ADARB2: variants seen among roughly 807,000 people sequenced by gnomAD.
ADARB2 encodes the protein inactive double-stranded RNA-specific editase B2.
Under a neutral mutation model 62.2 loss-of-function variants are expected in ADARB2, and 25 were observed. The observed-to-expected ratio is 0.40, with a 90% CI of 0.29 to 0.56. The LOEUF (loss-of-function observed/expected upper bound fraction) is 0.56. Ranked by LOEUF, ADARB2 falls within the 20% of genes least tolerant of loss-of-function variation. The pLI is 0.43. For synonymous variants in ADARB2, 572 were observed against 500.8 expected (o/e 1.14, Z -1.90); for missense variants, 1,071 against 1,077.4 (o/e 0.99, Z 0.08).
chr10:1,609,675 G>T (rs919777651), intron 1 of ADARB2, among the ~76,000 whole-genome samples: 1 of 152,216 alleles, frequency 6.6e-6, no homozygotes, highest in Non-Finnish European at 1.5e-5. Flanking sequence ...CTAGGAAGAC[G>T]CTTCCCTTGG....
chr10:1,412,235 G>C (rs1190153124), intron 1 of ADARB2, among the ~76,000 whole-genome samples: 1 of 152,188 alleles, frequency 6.6e-6, no homozygotes, highest in Non-Finnish European at 1.5e-5. Context: ...GCTGGTTAGA[G>C]GATGGCTCAG....
rs530881648 is a variant in ADARB2 at position 1,401,801 on chromosome 10, T to C, written c.101-22641A>G. Among the ~76,000 whole-genome samples, 10 of 152,248 alleles carry C rather than the reference T, an allele frequency of 6.6e-5. No individual in the cohort carries two copies. In the East Asian group the frequency reaches 1.9e-3, roughly 29 times the overall value. ...AGTTTCTTGCTTGTCTTTAGAAAAC[T>C]GCAGCGAGGCCTGGGGAGCGGTTCC... On this transcript the variant is annotated intron_variant, in intron 1 of 9. Coordinates refer to ENST00000381312, the MANE Select transcript of ADARB2 (RefSeq NM_018702.4).
intron 1 of ADARB2, among the ~76,000 whole-genome samples, chr10:1,498,867 A>G (rs1831725188): frequency 6.6e-6 from 1 of 151,698 alleles, no homozygotes; most frequent in South Asian, 2.1e-4. Context: ...CTCATCATTT[A>G]TCATTCAGTC....
At chr10:1,636,173 C>A (rs1362680906) in intron 1 of ADARB2, among the ~76,000 whole-genome samples, 3 of 152,066 alleles carry the variant, frequency 2.0e-5, no homozygotes, top group Non-Finnish European at 4.4e-5. Context: ...AGACATAAAG[C>A]AAGGCTGGGA....
chr10:1,213,100 T>C (rs1238327125), intron 7 of ADARB2, among the ~76,000 whole-genome samples: 1 of 151,316 alleles, frequency 6.6e-6, no homozygotes, highest in Non-Finnish European at 1.5e-5. Context: ...GATGAAGAGA[T>C]GAGATACACA....
chr10:1,274,856 C>A (rs1194615060), intron 3 of ADARB2, among the ~76,000 whole-genome samples: 1 of 152,240 alleles, frequency 6.6e-6, no homozygotes, highest in African/African-American at 2.4e-5. Context: ...CCAGATTGCT[C>A]TGAGGAAAAG....
chr10:1,325,742 T>G (rs1484017079), intron 3 of ADARB2, among the ~76,000 whole-genome samples: 1 of 152,102 alleles, frequency 6.6e-6, no homozygotes, highest in Non-Finnish European at 1.5e-5. Context: ...AGCTTCCTTC[T>G]CAGTCCTGGG....
intron 1 of ADARB2, among the ~76,000 whole-genome samples, chr10:1,600,593 C>T (rs991280386): frequency 1.6e-5 from 2 of 128,876 alleles, no homozygotes; most frequent in South Asian, 2.6e-4. Flanking sequence ...ACTCAGGAGG[C>T]GGAGGCTGCA....
intron 1 of ADARB2, among the ~76,000 whole-genome samples, chr10:1,694,631 T>G (rs150163181): frequency 9.8e-4 from 150 of 152,302 alleles, no homozygotes; most frequent in African/African-American, 3.5e-3. Context: ...CTAGAATAAT[T>G]AACAATCAAC....
intron 1 of ADARB2, among the ~76,000 whole-genome samples, chr10:1,392,144 G>A (rs2131866608): frequency 6.6e-6 from 1 of 152,202 alleles, no homozygotes; most frequent in South Asian, 2.1e-4. Context: ...CATAAATCGA[G>A]CACTTTGAGT....
In ADARB2 at chr10:1,283,683, T is replaced by G. The variant is rs186702276; in HGVS notation, c.1078-12614A>C. 1.8e-3 allele frequency among the ~76,000 whole-genome samples: 271 copies of G among 152,176 alleles called. 1 individual carries two copies. Among genetic ancestry groups the G allele is most frequent in the African/African-American group, 5.9e-3 (243 of 41,510 alleles). ...CAGCCTATAACACATGCCTGAGCAG[T>G]GGAGTGTTGTCCATCATGAGAATAA... is the stretch of plus-strand genomic sequence containing the variant. On this transcript the variant is annotated intron_variant, in intron 3 of 9. Transcript: ENST00000381312.
intron 7 of ADARB2, among the ~76,000 whole-genome samples, chr10:1,212,322 C>A (rs1837165352): frequency 6.6e-6 from 1 of 152,224 alleles, no homozygotes; most frequent in African/African-American, 2.4e-5. Context: ...ATTAGCATAA[C>A]ATATGCTGCT....
intron 3 of ADARB2, among the ~76,000 whole-genome samples, chr10:1,356,760 A>G (rs1832199836): frequency 1.3e-5 from 2 of 152,176 alleles, no homozygotes; most frequent in Admixed American, 6.5e-5. Flanking sequence ...AAGCAAAGCA[A>G]CAACAACACA....
At chr10:1,216,884 G>T (rs1830629124) in intron 7 of ADARB2, 67 bp downstream of exon 7, 2 of 1,565,794 alleles carry the variant, frequency 1.3e-6, no homozygotes, top group African/African-American at 2.7e-5. Context: ...GGGATGCAGG[G>T]AGCCTGGGGC....
chr10:1,250,989 C>G (rs1831033029), intron 4 of ADARB2, among the ~76,000 whole-genome samples: 1 of 152,156 alleles, frequency 6.6e-6, no homozygotes, highest in African/African-American at 2.4e-5. Context: ...ACCACTGAGG[C>G]AAAGAGAGAC....
At chr10:1,643,010 G>A (rs1480911321) in intron 1 of ADARB2, among the ~76,000 whole-genome samples, 1 of 152,210 alleles carries the variant, frequency 6.6e-6, no homozygotes, top group Non-Finnish European at 1.5e-5. Context: ...GGGCCAAGAG[G>A]CCTGGGTGTT....
At chr10:1,505,382 GTT>G (rs202238668) in intron 1 of ADARB2, among the ~76,000 whole-genome samples, 5 of 138,582 alleles carry the variant, frequency 3.6e-5, no homozygotes, top group African/African-American at 5.3e-5. Context: ...GAGGGTTTTT[GTT>G]TTTTTTTTTT....
intron 1 of ADARB2, among the ~76,000 whole-genome samples, chr10:1,614,221 A>C (rs940669216): frequency 3.9e-5 from 6 of 152,244 alleles, no homozygotes; most frequent in Non-Finnish European, 7.3e-5. Flanking sequence ...TATTGTTTCA[A>C]TACAAAAGTT....
intron 1 of ADARB2, among the ~76,000 whole-genome samples, chr10:1,489,223 C>A (rs2131930422): frequency 6.6e-6 from 1 of 152,208 alleles, no homozygotes; most frequent in Middle Eastern, 3.4e-3. Context: ...ATGCATCTGA[C>A]CTTCCCTTTC....
Sources: gnomAD v4.1 joint callset for allele counts (sites outside exome capture counted in the v4.1 genomes callset) on GRCh38, gnomAD v4.1.1 for gene constraint, MANE v1.5 for transcripts, NCBI Gene and HGNC (gene_info 2026-07-23, HGNC 2026-07-21) for gene names.